The following SAMHD1 variants were observed in gnomAD, a reference collection of about 807,000 sequenced individuals.
The protein encoded by SAMHD1 is deoxynucleoside triphosphate triphosphohydrolase SAMHD1.
SAMHD1 carries 54 observed loss-of-function variants against 79.6 expected under a neutral mutation model. That is an observed-to-expected ratio of 0.68 (90% confidence interval 0.55 to 0.85). The LOEUF (loss-of-function observed/expected upper bound fraction) is 0.85. SAMHD1 is among the 40% of genes least tolerant of loss of function. The pLI, the probability that SAMHD1 is intolerant of heterozygous loss-of-function variation, is 0.00. For synonymous variants in SAMHD1, 260 were observed against 264.1 expected, an observed-to-expected ratio of 0.98 and a Z score of 0.15; for missense variants, 663 against 782.7, an observed-to-expected ratio of 0.85 and a Z score of 1.82.
intron 3 of SAMHD1, among the ~76,000 whole-genome samples, chr20:36,935,993 A>G (rs1354820542): frequency 1.3e-5 from 2 of 152,144 alleles, no homozygotes; most frequent in African/African-American, 4.8e-5. Flanking sequence ...GAAATCATGC[A>G]GGTCCGAGTG....
intron 11 of SAMHD1, among the ~76,000 whole-genome samples, chr20:36,909,680 CAA>C (rs56389967): frequency 2.5e-5 from 3 of 121,198 alleles, no homozygotes; most frequent in African/African-American, 1.1e-4. Context: ...CACCCCCCTC[CAA>C]AAAAAAAAAA....
Position 36,911,218 on chromosome 20 carries a change from C to G in SAMHD1, c.1270G>C (p.Asp424His), listed in dbSNP as rs1212833020. Residue 424 changes from aspartate to histidine, a missense_variant and splice_region_variant, in exon 11 of 16, where the codon GAT becomes CAT. Physicochemically the swap from Asp to His is moderately conservative, Grantham distance 81. Transcript: ENST00000646673. Reference sequence around the variant, plus strand: ...ATCTATGTTACCTGTTACTTCTTACCTGTCAGCTTAGTATAGGCTTCCATG... The same window carrying G: ...ATCTATGTTACCTGTTACTTCTTACGTGTCAGCTTAGTATAGGCTTCCATG... ...DDMEAYTKLT[D>H]NIFLEILYST... 6.2e-7 allele frequency: 1 copy of G among 1,600,084 alleles called. No homozygotes were observed. Among genetic ancestry groups the G allele is most frequent in the African/African-American group, 1.3e-5 (1 of 74,656 alleles).
chr20:36,924,185 G>A (rs1241850997), intron 6 of SAMHD1, among the ~76,000 whole-genome samples: 1 of 151,752 alleles, frequency 6.6e-6, no homozygotes, highest in African/African-American at 2.4e-5. Flanking sequence ...CTTGGAAGTC[G>A]AGGTTGCAGT....
intron 3 of SAMHD1, among the ~76,000 whole-genome samples, chr20:36,936,970 G>A (rs919320310): frequency 1.3e-5 from 2 of 151,394 alleles, no homozygotes; most frequent in African/African-American, 2.4e-5. Flanking sequence ...ATGAAATCCC[G>A]TCTCTACTAA....
intron 4 of SAMHD1, among the ~76,000 whole-genome samples, chr20:36,932,352 CAAAAA>C (rs71186091): frequency 2.9e-5 from 1 of 34,180 alleles, no homozygotes; most frequent in African/African-American, 1.5e-4. Context: ...ACTCCGTCTC[CAAAAA>C]AAAAAAAAAA....
At chr20:36,898,020 G>C (rs1268136985) in intron 14 of SAMHD1, 61 bp from the exon 15 acceptor site, 1 of 1,594,428 alleles carries the variant, frequency 6.3e-7, no homozygotes, top group Non-Finnish European at 8.6e-7. Context: ...ATATCAGCTG[G>C]TCCCTAGGCT....
At chr20:36,900,958 T>C (rs1306396222) in intron 13 of SAMHD1, among the ~76,000 whole-genome samples, 3 of 152,138 alleles carry the variant, frequency 2.0e-5, no homozygotes, top group Admixed American at 2.0e-4. Context: ...ATGGGTATGC[T>C]AACTACCCTG....
intron 13 of SAMHD1, among the ~76,000 whole-genome samples, chr20:36,899,657 G>A (rs1215202238): frequency 6.6e-6 from 1 of 152,158 alleles, no homozygotes; most frequent in Non-Finnish European, 1.5e-5. Flanking sequence ...GCTTAGGTGG[G>A]AAGAAAAAGA....
Position 36,951,499 on chromosome 20 carries a change from G to A in SAMHD1, c.145C>T (p.Gln49Ter). 1.9e-6 allele frequency: 3 copies of A among 1,614,166 alleles called. No homozygotes were observed. Among genetic ancestry groups the A allele is most frequent in the Non-Finnish European group, 2.5e-6 (3 of 1,180,006 alleles). ...HPDYKTWGPE[Q>*]VCSFLRRGGF... ...CCGCGCCTGAGGAAGGAGCACACCTGCTCCGGACCCCATGTCTTGTAGTCG... is the reference window on the plus strand; with the variant it reads ...CCGCGCCTGAGGAAGGAGCACACCTACTCCGGACCCCATGTCTTGTAGTCG... Residue 49 changes from glutamine to a stop codon, truncating the protein, a stop_gained, in exon 1 of 16, where the codon CAG becomes TAG. Transcript: ENST00000646673. LOFTEE classifies it high-confidence loss of function.
intron 1 of SAMHD1, among the ~76,000 whole-genome samples, chr20:36,951,045 C>A (rs1039050527): frequency 4.6e-5 from 7 of 152,238 alleles, no homozygotes; most frequent in Non-Finnish European, 5.9e-5. Flanking sequence ...TCGCTTGTCC[C>A]GCGCCGGGGT....
In SAMHD1 at chr20:36,919,599, C is replaced by G. The variant is rs6030138; in HGVS notation, c.697-80G>C. On this transcript the variant is annotated intron_variant, in intron 6 of 15. Transcript: ENST00000646673. The stretch of plus-strand genomic sequence containing the variant: ...CTGACTAACAAAATTATCCTCAATT[C>G]CAAGTAATTCTGAGATAAAGGTCTA... 503 of 1,264,568 alleles carry G rather than the reference C, an allele frequency of 4.0e-4. 3 individuals are homozygous for G. The African/African-American group carries it at 6.3e-3, about 16-fold the overall frequency. The allele number at this position is 1,264,568 out of a possible 1,614,324, so 78.3% of individuals were successfully genotyped here.
chr20:36,919,507 A>C lies in SAMHD1; in HGVS notation c.709T>G (p.Ser237Ala). 1 of 1,613,458 alleles carries C rather than the reference A, an allele frequency of 6.2e-7. No homozygotes were observed. The highest frequency in any genetic ancestry group is 8.5e-7 in the Non-Finnish European group (1 of 1,179,828). The change falls in exon 7 of 16, where the codon TCA becomes GCA. Residue 237 changes from serine (S) to alanine (A), a missense_variant. By Grantham distance (99) the Ser-to-Ala change is moderately conservative (BLOSUM62 1). Transcript: ENST00000646673. ...PEVKWTHEQGSVMMFEHLINS... is the reference protein window; with the variant it reads ...PEVKWTHEQGAVMMFEHLINS... ...ATAAGGTGCTCAAACATCATAACTG[A>C]GCCTTGTTCATGCTAGGAAAAGTAA... is the stretch of plus-strand genomic sequence containing the variant.
rs397777434 is a variant in SAMHD1 at position 36,910,730 on chromosome 20, CA to C, written c.1270+487del. 4.5e-3 allele frequency among the ~76,000 whole-genome samples: 526 copies of C among 118,064 alleles called. 2 individuals carry two copies. The highest frequency in any genetic ancestry group is 0.01 in the African/African-American group (336 of 32,756). The allele number at this position is 118,064 out of a possible 152,430, so 77.5% of individuals were successfully genotyped here. A position where few individuals can be genotyped will look rare whatever the true frequency, so the allele number is the denominator to read the frequency against. On this transcript the variant is annotated intron_variant, in intron 11 of 15. Transcript: ENST00000646673. ...AGGTGACAGAGCGAGACTCCATCTCCAAAAAAAAAAAAAAAGTTAAATAATG... is the reference window on the plus strand; with the variant it reads ...AGGTGACAGAGCGAGACTCCATCTCCAAAAAAAAAAAAAAGTTAAATAATG...
chr20:36,892,634 A>G lies in SAMHD1; in HGVS notation c.*298T>C, dbSNP rs922979142. 2.5e-6 allele frequency: 1 copy of G among 397,588 alleles called. No homozygotes were observed. The highest frequency in any genetic ancestry group is 2.1e-5 in the African/African-American group (1 of 48,634). The allele number at this position is 397,588 out of a possible 1,614,324, so 24.6% of individuals were successfully genotyped here. A position where few individuals can be genotyped will look rare whatever the true frequency, so the allele number is the denominator to read the frequency against. ...AGAGCAAAACCTTGTCTCTTAAAAA[A>G]GAAAAAAAATAGAGTTCAGAATAGA... On this transcript the variant is annotated 3_prime_UTR_variant, in exon 16 of 16. Coordinates refer to ENST00000646673, the MANE Select transcript of SAMHD1 (RefSeq NM_015474.4).
intron 11 of SAMHD1, among the ~76,000 whole-genome samples, chr20:36,907,186 T>C (rs1240241953): frequency 1.3e-5 from 2 of 151,554 alleles, no homozygotes; most frequent in Non-Finnish European, 2.9e-5. Flanking sequence ...CAAAGTCCTG[T>C]GCTCAAGCAA....
chr20:36,947,407 T>TGTGTGTGTGTGTGATTTGGAAGAG (rs774837007), intron 1 of SAMHD1, among the ~76,000 whole-genome samples: 563 of 36,782 alleles, frequency 0.015, 109 homozygotes, highest in East Asian at 0.054. Context: ...TTGGAAGAGG[T>TGTGTGTGTGTGTGATTTGGAAGAG]GTGTGTGTGT....
At chr20:36,906,651 G>A (rs1190217733) in intron 11 of SAMHD1, among the ~76,000 whole-genome samples, 1 of 152,066 alleles carries the variant, frequency 6.6e-6, no homozygotes, top group Non-Finnish European at 1.5e-5. Context: ...ATTCGATGAT[G>A]AGAGTAGAAG....
At chr20:36,905,097 T>C in intron 12 of SAMHD1, 3 of 449,892 alleles carry the variant, frequency 6.7e-6, no homozygotes, top group Non-Finnish European at 1.2e-5. Flanking sequence ...TCTCACTTCC[T>C]GGATGAGATC....
intron 4 of SAMHD1, 64 bp from the exon 5 acceptor site, chr20:36,930,939 C>G: frequency 1.8e-6 from 2 of 1,086,390 alleles, no homozygotes; most frequent in Middle Eastern, 2.0e-4. Flanking sequence ...TTCTGGTCCT[C>G]AAGAACTTCA....
Sources: allele counts gnomAD v4.1 joint callset (sites outside exome capture counted in the v4.1 genomes callset), GRCh38; gene constraint gnomAD v4.1.1; transcripts MANE v1.5; gene names NCBI Gene and HGNC (gene_info 2026-07-23, HGNC 2026-07-21).